NRP2: variants seen among roughly 807,000 people sequenced by gnomAD.
NRP2 encodes the protein neuropilin 2.
In NRP2, 52 loss-of-function variants were observed where a neutral mutation model predicts 110.4. That is an observed-to-expected ratio of 0.47 (90% CI 0.38 to 0.59). The LOEUF is 0.59. NRP2 is among the 20% of genes least tolerant of loss of function. The pLI is 0.00. For missense variants in NRP2, 1,049 were observed against 1,203.0 expected (o/e 0.87, Z 1.89); for synonymous variants, 508 against 468.9 (o/e 1.08, Z -1.08).
chr2:205,779,075 G>A (rs912758844), intron 15 of NRP2: 13 of 152,332 alleles, frequency 8.5e-5, no homozygotes, highest in Admixed American at 3.9e-4. Flanking sequence ...CTGGACAGGC[G>A]AATGCATGCA....
Position 205,763,678 on chromosome 2 carries a change from C to A in NRP2, c.2049C>A (p.Asp683Glu). 6.2e-7 allele frequency: 1 copy of A among 1,614,196 alleles called. No individual in the cohort carries two copies. Among genetic ancestry groups the A allele is most frequent in the Non-Finnish European group, 8.5e-7 (1 of 1,180,048 alleles). ...SSPNDRTFPD[D>E]RNFLRLQSDS... ...GTTTGGGTTTGTTTCTGCCAGATGA[C>A]AGGAATTTCTTGCGGCTGCAGAGTG... Residue 683 changes from aspartate (D) to glutamate (E), a missense_variant, in exon 13 of 17, where the codon GAC becomes GAA. Transcript: ENST00000357785. The surrounding 1 kb of genome is among the most constrained non-coding windows in gnomAD (Gnocchi z 4.0).
At chr2:205,771,699 G>A (rs988660465) in intron 15 of NRP2, among the ~76,000 whole-genome samples, 2 of 152,194 alleles carry the variant, frequency 1.3e-5, no homozygotes, top group Non-Finnish European at 2.9e-5. Flanking sequence ...ACAGAAATAG[G>A]AGGCAGAAAG....
chr2:205,779,558 T>C (rs962177182), intron 15 of NRP2: 3 of 152,196 alleles, frequency 2.0e-5, no homozygotes, highest in African/African-American at 7.2e-5. Context: ...CAAGAAAACC[T>C]AAAGATTTTT....
intron 7 of NRP2, among the ~76,000 whole-genome samples, chr2:205,731,660 G>A (rs2105838581): frequency 6.6e-6 from 1 of 152,340 alleles, no homozygotes; most frequent in East Asian, 1.9e-4. Flanking sequence ...TAGTCACAGT[G>A]TTTCTGGGCT....
At chr2:205,738,151 G>T (rs1175091266) in intron 7 of NRP2, among the ~76,000 whole-genome samples, 2 of 152,266 alleles carry the variant, frequency 1.3e-5, no homozygotes, top group Middle Eastern at 6.8e-3. Context: ...TGTGTATGCT[G>T]TGGATTAGCG....
At position 205,743,452 on chromosome 2, in the gene NRP2, C is replaced by G; in HGVS notation, c.1541C>G (p.Ala514Gly). 1 of 1,614,228 alleles carries G rather than the reference C, an allele frequency of 6.2e-7. No individual in the cohort carries two copies. Among genetic ancestry groups the G allele is most frequent in the Non-Finnish European group, 8.5e-7 (1 of 1,180,052 alleles). ...QGARGGDSIT[A>G]VEARAFVRKF... is the part of the protein sequence containing the mutation. ...GCCCGCGGAGGAGACAGTATCACTG[C>G]TGTGGAAGCCAGAGCATTTGTGCGC... The change falls in exon 9 of 17, where the codon GCT becomes GGT. Residue 514 changes from alanine (A) to glycine (G), a missense_variant. Ala to Gly is a moderately conservative substitution (Grantham distance 60). Coordinates refer to ENST00000357785, the MANE Select transcript of NRP2 (RefSeq NM_003872.3).
At chr2:205,722,801 C>T in intron 4 of NRP2, 93 bp downstream of exon 4, 1 of 1,019,454 alleles carries the variant, frequency 9.8e-7, no homozygotes, top group Non-Finnish European at 1.5e-6. Context: ...GACTTCAAAG[C>T]TCCTATGAGT....
chr2:205,729,274 T>G (rs1339819337), intron 7 of NRP2, among the ~76,000 whole-genome samples: 1 of 152,242 alleles, frequency 6.6e-6, no homozygotes, highest in Non-Finnish European at 1.5e-5. Context: ...CTTCTGGATA[T>G]TACCAGGTAT....
At chr2:205,752,711 A>G in intron 11 of NRP2, 124 bp from the exon 12 acceptor site, 1 of 1,022,916 alleles carries the variant, frequency 9.8e-7, no homozygotes. Flanking sequence ...TGAATAAGCA[A>G]AGGAAGCCAC....
chr2:205,756,114 G>A (rs1331440621), intron 12 of NRP2, among the ~76,000 whole-genome samples: 1 of 151,880 alleles, frequency 6.6e-6, no homozygotes, highest in Non-Finnish European at 1.5e-5. Flanking sequence ...TCATTCCACT[G>A]TTTTTGTTTT....
intron 15 of NRP2, among the ~76,000 whole-genome samples, 183 bp from the exon 16 acceptor site, chr2:205,792,052 A>G (rs1575688942): frequency 6.6e-6 from 1 of 152,318 alleles, no homozygotes; most frequent in Non-Finnish European, 1.5e-5. Flanking sequence ...TGGTTGGAGG[A>G]AGACACAGGT....
chr2:205,753,861 T>C (rs1364567735), intron 12 of NRP2, among the ~76,000 whole-genome samples: 1 of 152,202 alleles, frequency 6.6e-6, no homozygotes, highest in South Asian at 2.1e-4. Flanking sequence ...AGTTTTTTTT[T>C]CCATTGTGCA....
intron 1 of NRP2, among the ~76,000 whole-genome samples, chr2:205,696,425 A>G (rs1355799491): frequency 6.6e-6 from 1 of 152,202 alleles, no homozygotes; most frequent in Non-Finnish European, 1.5e-5. Flanking sequence ...AGACACACAC[A>G]TCTCAGGAAG....
intron 12 of NRP2, among the ~76,000 whole-genome samples, chr2:205,756,038 A>T (rs1003853083): frequency 2.0e-5 from 3 of 151,158 alleles, no homozygotes; most frequent in Non-Finnish European, 4.4e-5. Flanking sequence ...TTTTCCTTTT[A>T]AGTAAGCAAT....
At chr2:205,757,811 A>T (rs1226041606) in intron 12 of NRP2, among the ~76,000 whole-genome samples, 1 of 152,222 alleles carries the variant, frequency 6.6e-6, no homozygotes. Flanking sequence ...GGAAAAGAAA[A>T]GGATAGAGGC....
At chr2:205,685,469 G>A (rs1426899344) in intron 1 of NRP2, among the ~76,000 whole-genome samples, 1 of 152,224 alleles carries the variant, frequency 6.6e-6, no homozygotes, top group Admixed American at 6.5e-5. Flanking sequence ...TGGTTCAGCC[G>A]CCGCCGCCGG....
At chr2:205,714,746 G>A (rs1412625456) in intron 2 of NRP2, among the ~76,000 whole-genome samples, 1 of 152,152 alleles carries the variant, frequency 6.6e-6, no homozygotes, top group Non-Finnish European at 1.5e-5. Flanking sequence ...TTTGGACTGT[G>A]GGAGTCCAGC....
chr2:205,748,997 T>A lies in NRP2; in HGVS notation c.1787-728T>A, dbSNP rs368190915. ...TACTTAGTATAACATTTTTAATAAG[T>A]TGCCAACATGTAGAGTCTGGAGATT... On this transcript the variant is annotated intron_variant, in intron 10 of 16. Transcript: ENST00000357785. Among the ~76,000 whole-genome samples the A allele has an allele frequency of 4.6e-5, 7 of 152,308 alleles. 1 individual carries two copies. Among genetic ancestry groups the A allele is most frequent in the African/African-American group, 7.2e-5 (3 of 41,558 alleles).
intron 8 of NRP2, among the ~76,000 whole-genome samples, chr2:205,742,621 T>C (rs2057463589): frequency 6.6e-6 from 1 of 152,180 alleles, no homozygotes; most frequent in Non-Finnish European, 1.5e-5. Flanking sequence ...AGAGCAGTTA[T>C]TTGGGAAGTA....
Sources: gnomAD v4.1 joint callset for allele counts (sites outside exome capture counted in the v4.1 genomes callset) on GRCh38, gnomAD v4.1.1 for gene constraint, Gnocchi (gnomAD v3.1) non-coding constraint, MANE v1.5 for transcripts, NCBI Gene and HGNC (gene_info 2026-07-23, HGNC 2026-07-21) for gene names.